SUMF1: variants seen among roughly 807,000 people sequenced by gnomAD.
SUMF1 encodes formylglycine-generating enzyme.
A neutral mutation model predicts 47.6 loss-of-function variants in SUMF1; 48 were observed. The ratio of observed to expected loss-of-function variants is 1.01; its 90% CI spans 0.80 to 1.28. SUMF1 has a LOEUF of 1.28. Among genes scored for constraint, SUMF1 ranks in the 50% most tolerant of loss-of-function variants. The pLI, the probability that SUMF1 is intolerant of heterozygous loss-of-function variation, is 0.00. For synonymous variants in SUMF1, 230 were observed against 192.1 expected, an observed-to-expected ratio of 1.20 and a Z score of -1.63; for missense variants, 571 against 485.4, an observed-to-expected ratio of 1.18 and a Z score of -1.66.
intron 8 of SUMF1, among the ~76,000 whole-genome samples, chr3:4,097,945 TC>T (rs1205383702): frequency 6.6e-6 from 1 of 152,124 alleles, no homozygotes; most frequent in Non-Finnish European, 1.5e-5. Flanking sequence ...AGCCTGCTGG[TC>T]TTGCTTAATC....
intron 7 of SUMF1, among the ~76,000 whole-genome samples, chr3:4,405,819 G>A (rs989941676): frequency 5.9e-5 from 9 of 152,142 alleles, no homozygotes; most frequent in African/African-American, 9.7e-5. Context: ...CTGAATCTCT[G>A]GCTAAAATGT....
At chr3:4,107,465 C>T (rs1212887449) in intron 8 of SUMF1, among the ~76,000 whole-genome samples, 1 of 152,098 alleles carries the variant, frequency 6.6e-6, no homozygotes, top group Non-Finnish European at 1.5e-5. Flanking sequence ...AGACTGATAT[C>T]CATGGTTTCT....
At chr3:4,304,592 A>C (rs1698108307) in intron 8 of SUMF1, among the ~76,000 whole-genome samples, 1 of 152,242 alleles carries the variant, frequency 6.6e-6, no homozygotes, top group Non-Finnish European at 1.5e-5. Flanking sequence ...CCAGAGCCTG[A>C]GTTTCTTCAT....
chr3:4,060,025 A>G (rs1695251985), intron 9 of SUMF1, among the ~76,000 whole-genome samples: 1 of 152,202 alleles, frequency 6.6e-6, no homozygotes, highest in Non-Finnish European at 1.5e-5. Flanking sequence ...AGAGACAGGC[A>G]TGGTCAAACC....
intron 1 of SUMF1, among the ~76,000 whole-genome samples, chr3:4,464,698 T>C (rs1315050538): frequency 1.3e-5 from 2 of 152,190 alleles, no homozygotes; most frequent in African/African-American, 4.8e-5. Context: ...TAGACCAAAG[T>C]CATCTGCACA....
intron 8 of SUMF1, among the ~76,000 whole-genome samples, chr3:4,097,430 G>A (rs1285269990): frequency 1.3e-5 from 2 of 152,094 alleles, no homozygotes; most frequent in East Asian, 1.9e-4. Context: ...GCAGGTGCCT[G>A]TAATCCCAGC....
intron 8 of SUMF1, among the ~76,000 whole-genome samples, chr3:4,265,654 G>T (rs540509198): frequency 2.0e-5 from 3 of 152,206 alleles, no homozygotes; most frequent in East Asian, 3.9e-4. Context: ...AGTAGGTTGC[G>T]AAAATTTTCT....
intron 8 of SUMF1, among the ~76,000 whole-genome samples, chr3:4,315,969 C>T (rs1698621718): frequency 6.6e-6 from 1 of 150,408 alleles, no homozygotes; most frequent in South Asian, 2.1e-4. Context: ...ATCACTTGAG[C>T]CCAGGAGGCA....
intron 9 of SUMF1, among the ~76,000 whole-genome samples, chr3:4,059,598 C>T (rs1371095170): frequency 6.6e-6 from 1 of 152,132 alleles, no homozygotes. Flanking sequence ...TGTTATTCAA[C>T]AAATTTGTAT....
intron 7 of SUMF1, among the ~76,000 whole-genome samples, chr3:4,404,607 A>C (rs1235928635): frequency 6.6e-6 from 1 of 152,164 alleles, no homozygotes; most frequent in Non-Finnish European, 1.5e-5. Flanking sequence ...AAAATACAAA[A>C]TTAGCCAGGC....
intron 8 of SUMF1, among the ~76,000 whole-genome samples, chr3:4,285,692 C>T (rs1024758531): frequency 6.6e-6 from 1 of 152,040 alleles, no homozygotes; most frequent in Admixed American, 6.6e-5. Context: ...TATTTGTCAC[C>T]TCATACAGTA....
chr3:4,187,025 TG>T (rs765166337), intron 8 of SUMF1, among the ~76,000 whole-genome samples: 1 of 152,192 alleles, frequency 6.6e-6, no homozygotes, highest in Non-Finnish European at 1.5e-5. Context: ...CCTGATGTGT[TG>T]GGACTATACA....
At chr3:4,436,396 AGAATTACAATG>A (rs1327378595) in intron 3 of SUMF1, among the ~76,000 whole-genome samples, 1 of 152,218 alleles carries the variant, frequency 6.6e-6, no homozygotes, top group African/African-American at 2.4e-5. Context: ...AATAGACAAC[AGAATTACAATG>A]GAATACTGAA....
chr3:4,385,355 TA>T (rs1700638401), intron 7 of SUMF1, among the ~76,000 whole-genome samples: 1 of 152,212 alleles, frequency 6.6e-6, no homozygotes, highest in Non-Finnish European at 1.5e-5. Context: ...CTTATGGTTT[TA>T]ATTTGTATTT....
intron 3 of SUMF1, among the ~76,000 whole-genome samples, chr3:4,426,628 G>C (rs1169318476): frequency 6.6e-6 from 1 of 152,196 alleles, no homozygotes; most frequent in Admixed American, 6.5e-5. Context: ...ACTGCAGATT[G>C]TGACATCTAT....
intron 8 of SUMF1, among the ~76,000 whole-genome samples, chr3:4,336,458 A>G (rs894013): frequency 0.52 from 78,314 of 151,982 alleles, 20,360 homozygotes; most frequent in Admixed American, 0.57. Context: ...AAATGAGGCT[A>G]TGACACGGGT....
chr3:4,367,455 T>C (rs1405173199), intron 8 of SUMF1, among the ~76,000 whole-genome samples: 1 of 152,062 alleles, frequency 6.6e-6, no homozygotes, highest in Non-Finnish European at 1.5e-5. Flanking sequence ...AAGCTACCAA[T>C]GACTTTCTTC....
chr3:4,295,274 G>C (rs2171018), intron 8 of SUMF1, among the ~76,000 whole-genome samples: 49,283 of 151,748 alleles, frequency 0.32, 9,204 homozygotes, highest in Non-Finnish European at 0.43. Context: ...AATTAATATA[G>C]TCTCTAAGAA....
chr3:4,178,770 A>T (rs1695028418), intron 8 of SUMF1, among the ~76,000 whole-genome samples: 1 of 152,214 alleles, frequency 6.6e-6, no homozygotes. Context: ...TGCAGATGAC[A>T]TAATTGTATA....
Sources: gnomAD v4.1 joint callset for allele counts (sites outside exome capture counted in the v4.1 genomes callset) on GRCh38, gnomAD v4.1.1 for gene constraint, MANE v1.5 for transcripts, NCBI Gene and HGNC (gene_info 2026-07-23, HGNC 2026-07-21) for gene names.